The following MREG variants were observed in gnomAD, a reference collection of about 807,000 sequenced individuals.
The protein encoded by MREG is dilute suppressor protein homolog.
MREG carries 31 observed loss-of-function variants against 28.5 expected under a neutral mutation model. That is an observed-to-expected ratio of 1.09 (90% CI 0.82 to 1.47). The LOEUF (loss-of-function observed/expected upper bound fraction) is 1.47, where lower values mean the gene tolerates loss of function less well. MREG is among the 40% of genes most tolerant of loss of function. The pLI, the probability that MREG is intolerant of heterozygous loss-of-function variation, is 0.00. For missense variants in MREG, 256 were observed against 257.4 expected (o/e 0.99, Z 0.04); for synonymous variants, 106 against 95.2 (o/e 1.11, Z -0.66).
At chr2:215,963,382 A>G (rs1355714875) in intron 2 of MREG, among the ~76,000 whole-genome samples, 1 of 148,428 alleles carries the variant, frequency 6.7e-6, no homozygotes, top group Admixed American at 6.8e-5. Context: ...GTAGGCCGAG[A>G]TCGTGATCAT....
At chr2:215,962,061 C>T (rs1347186688) in intron 2 of MREG, among the ~76,000 whole-genome samples, 4 of 152,194 alleles carry the variant, frequency 2.6e-5, no homozygotes, top group Admixed American at 1.3e-4. Flanking sequence ...ACTCTGAATC[C>T]GAGCTAGAGT....
At chr2:215,954,485 A>AC (rs1407504625) in intron 2 of MREG, among the ~76,000 whole-genome samples, 1 of 31,002 alleles carries the variant, frequency 3.2e-5, no homozygotes, top group South Asian at 7.3e-4. Context: ...CACACACACA[A>AC]AACAACCAGA....
At chr2:215,989,172 C>A (rs996219269) in intron 2 of MREG, among the ~76,000 whole-genome samples, 3 of 152,190 alleles carry the variant, frequency 2.0e-5, no homozygotes, top group African/African-American at 7.2e-5. Context: ...GGGTGCCCCT[C>A]TGGGACAAAA....
chr2:215,957,964 G>C (rs1692672402), intron 2 of MREG, among the ~76,000 whole-genome samples: 1 of 152,102 alleles, frequency 6.6e-6, no homozygotes, highest in Non-Finnish European at 1.5e-5. Context: ...TAGGGACATG[G>C]CTGAAGCTGG....
At chr2:215,994,608 GA>G in intron 2 of MREG, among the ~76,000 whole-genome samples, 1 of 103,688 alleles carries the variant, frequency 9.6e-6, no homozygotes, top group Non-Finnish European at 2.4e-5. Flanking sequence ...AGGAGAAGAA[GA>G]GGAAGAAGAA....
intron 2 of MREG, among the ~76,000 whole-genome samples, chr2:215,961,335 T>C (rs961627503): frequency 2.8e-5 from 4 of 144,910 alleles, no homozygotes; most frequent in Admixed American, 2.1e-4. Context: ...CAAACTCGGA[T>C]GTAGGTATCT....
chr2:216,029,540 G>A (rs918971445), intron 1 of MREG, among the ~76,000 whole-genome samples: 2 of 152,188 alleles, frequency 1.3e-5, no homozygotes, highest in African/African-American at 2.4e-5. Flanking sequence ...AAGGCAGAAG[G>A]TGCTTATGCA....
chr2:216,030,835 T>C (rs1694670303), intron 1 of MREG, among the ~76,000 whole-genome samples: 1 of 151,486 alleles, frequency 6.6e-6, no homozygotes, highest in African/African-American at 2.4e-5. Context: ...AGTGCTAGGA[T>C]TACAGATGTT....
intron 1 of MREG, among the ~76,000 whole-genome samples, chr2:216,023,062 T>C (rs1255939175): frequency 6.6e-6 from 1 of 152,216 alleles, no homozygotes; most frequent in Non-Finnish European, 1.5e-5. Flanking sequence ...ATATGGTTTC[T>C]TTCTCCACAA....
At chr2:215,971,724 G>T (rs1693102784) in intron 2 of MREG, among the ~76,000 whole-genome samples, 1 of 152,176 alleles carries the variant, frequency 6.6e-6, no homozygotes, top group South Asian at 2.1e-4. Context: ...CCTTTCCTGT[G>T]TGTGTTACAG....
chr2:216,029,205 C>T (rs1351167430), intron 1 of MREG, among the ~76,000 whole-genome samples: 25 of 152,064 alleles, frequency 1.6e-4, no homozygotes, highest in Non-Finnish European at 4.4e-5. Flanking sequence ...GCTGGCCAGG[C>T]GTGGTGGCTC....
intron 2 of MREG, among the ~76,000 whole-genome samples, chr2:215,971,387 C>T (rs1574613079): frequency 6.6e-6 from 1 of 152,212 alleles, no homozygotes; most frequent in South Asian, 2.1e-4. Flanking sequence ...CATTCTGACA[C>T]ATGTCAGCAT....
chr2:216,011,834 T>C (rs916391589), intron 1 of MREG, among the ~76,000 whole-genome samples: 1 of 152,240 alleles, frequency 6.6e-6, no homozygotes, highest in Non-Finnish European at 1.5e-5. Context: ...TTCATGTTAC[T>C]AAGAGCCCTG....
intron 2 of MREG, among the ~76,000 whole-genome samples, chr2:215,970,834 G>A (rs1440113326): frequency 6.6e-6 from 1 of 152,150 alleles, no homozygotes; most frequent in Non-Finnish European, 1.5e-5. Context: ...GCTACAGTGG[G>A]TTAAAAATAA....
intron 2 of MREG, among the ~76,000 whole-genome samples, chr2:215,955,764 T>C (rs1692609622): frequency 6.6e-6 from 1 of 152,178 alleles, no homozygotes. Flanking sequence ...AAATATCAGA[T>C]AAGGTGGAGA....
chr2:215,989,855 G>A (rs562002564), intron 2 of MREG, among the ~76,000 whole-genome samples: 1 of 152,088 alleles, frequency 6.6e-6, no homozygotes, highest in East Asian at 1.9e-4. Flanking sequence ...AAAAAAGAAT[G>A]AAAAGGAGTA....
intron 2 of MREG, among the ~76,000 whole-genome samples, chr2:215,963,383 T>C (rs1314259763): frequency 6.8e-6 from 1 of 146,882 alleles, no homozygotes; most frequent in Non-Finnish European, 1.5e-5. Context: ...TAGGCCGAGA[T>C]CGTGATCATG....
At position 216,001,494 on chromosome 2, in the gene MREG, G is replaced by C. The variant is rs1036197416; in HGVS notation, c.96-5029C>G. ...CTCCCCAGCAGGATCTGACCTGCTC[G>C]TGGCTACGAAGCAGCCTCCTCCACT... On this transcript the variant is annotated intron_variant, in intron 1 of 4. Transcript: ENST00000263268. 8.0e-4 allele frequency among the ~76,000 whole-genome samples: 122 copies of C among 152,278 alleles called. 1 individual carries two copies. The highest frequency in any genetic ancestry group is 2.9e-3 in the African/African-American group (119 of 41,566).
At chr2:215,974,852 A>ACACACACT (rs1553550318) in intron 2 of MREG, among the ~76,000 whole-genome samples, 3 of 107,550 alleles carry the variant, frequency 2.8e-5, no homozygotes, top group African/African-American at 1.0e-4. Flanking sequence ...ACACACACAC[A>ACACACACT]CTCTCTCTCT....
Sources: allele counts gnomAD v4.1 joint callset (sites outside exome capture counted in the v4.1 genomes callset), GRCh38; gene constraint gnomAD v4.1.1; transcripts MANE v1.5; gene names NCBI Gene and HGNC (gene_info 2026-07-23, HGNC 2026-07-21).